The following LTAP1 variants were observed in gnomAD, a reference collection of about 807,000 sequenced individuals.
The protein encoded by LTAP1 is lipid transport auxiliary protein 1.
chr1:154,220,146 A>G, the LTAP1 span: 2 of 752,196 alleles, frequency 2.7e-6, no homozygotes, highest in Non-Finnish European at 4.4e-6. Flanking sequence ...CTAGCGTTAA[A>G]GGGAGGGTTC....
At chr1:154,220,238 G>C in the LTAP1 span, 1 of 1,386,400 alleles carries the variant, frequency 7.2e-7, no homozygotes, top group African/African-American at 1.4e-5. Context: ...AGCCCGGATA[G>C]GCGCAGGTGA....
the LTAP1 span, among the ~76,000 whole-genome samples, chr1:154,211,154 G>A: frequency 7.0e-6 from 1 of 143,712 alleles, no homozygotes; most frequent in Non-Finnish European, 1.5e-5. Context: ...ACAGGAGCCC[G>A]CCAGCATGCC....
chr1:154,215,980 G>A, the LTAP1 span, among the ~76,000 whole-genome samples: 1 of 152,002 alleles, frequency 6.6e-6, no homozygotes, highest in Non-Finnish European at 1.5e-5. Context: ...TGGGACTACA[G>A]GCGCCCGCCA....
At chr1:154,209,865 C>T in the LTAP1 span, among the ~76,000 whole-genome samples, 3 of 151,966 alleles carry the variant, frequency 2.0e-5, no homozygotes, top group Non-Finnish European at 4.4e-5. Flanking sequence ...GTTGGGATTA[C>T]AGGCGTGAGC....
the LTAP1 span, among the ~76,000 whole-genome samples, chr1:154,219,367 G>A: frequency 6.6e-6 from 1 of 152,166 alleles, no homozygotes; most frequent in Non-Finnish European, 1.5e-5. Context: ...CTTCCTATAC[G>A]TCTTCTGGTA....
At chr1:154,213,259 A>G in the LTAP1 span, 1 of 152,698 alleles carries the variant, frequency 6.5e-6, no homozygotes, top group Non-Finnish European at 1.5e-5. Context: ...GTGAGCCAAG[A>G]TCGTGCTACT....
chr1:154,208,123 C>T, the LTAP1 span, among the ~76,000 whole-genome samples: 1 of 151,238 alleles, frequency 6.6e-6, no homozygotes, highest in Non-Finnish European at 1.5e-5. Flanking sequence ...AGCAGAGAGG[C>T]TGGGCATGGT....
At chr1:154,217,209 A>G in the LTAP1 span, among the ~76,000 whole-genome samples, 3 of 152,080 alleles carry the variant, frequency 2.0e-5, no homozygotes, top group Non-Finnish European at 2.9e-5. Flanking sequence ...TCAGCCTCCC[A>G]AAGTGCTGGG....
At chr1:154,214,092 A>G in the LTAP1 span, 1 of 651,378 alleles carries the variant, frequency 1.5e-6, no homozygotes, top group Admixed American at 2.8e-5. Flanking sequence ...AGCCTGACCA[A>G]CATGGAGAAA....
At chr1:154,209,563 T>C in the LTAP1 span, among the ~76,000 whole-genome samples, 1 of 151,244 alleles carries the variant, frequency 6.6e-6, no homozygotes, top group Non-Finnish European at 1.5e-5. Context: ...TAGCTGGGAC[T>C]ACAGGTAGGT....
the LTAP1 span, among the ~76,000 whole-genome samples, chr1:154,210,380 G>A: frequency 6.6e-6 from 1 of 152,056 alleles, no homozygotes; most frequent in Non-Finnish European, 1.5e-5. Flanking sequence ...TCATTTTTAG[G>A]GACAGAGAGA....
the LTAP1 span, among the ~76,000 whole-genome samples, chr1:154,211,324 C>CTTTTTT: frequency 4.0e-3 from 137 of 34,048 alleles, 1 homozygote; most frequent in Non-Finnish European, 5.3e-3. Flanking sequence ...TTATTTAATT[C>CTTTTTT]TTTTTTTTTT....
the LTAP1 span, chr1:154,212,759 T>C: frequency 5.8e-3 from 5,205 of 902,638 alleles, 161 homozygotes; most frequent in African/African-American, 0.079. Flanking sequence ...CCTCCTAGGT[T>C]TGAGCAATTC....
the LTAP1 span, among the ~76,000 whole-genome samples, chr1:154,216,659 C>T: frequency 3.3e-5 from 5 of 152,008 alleles, no homozygotes; most frequent in Admixed American, 6.6e-5. Flanking sequence ...GGACTACAGG[C>T]GCATGCCACC....
the LTAP1 span, chr1:154,220,467 C>T: frequency 1.4e-5 from 22 of 1,599,012 alleles, no homozygotes; most frequent in Non-Finnish European, 1.9e-5. Flanking sequence ...CTGGTCAGCC[C>T]AGGCTCCGCC....
chr1:154,220,285 G>A, the LTAP1 span: 5 of 1,595,146 alleles, frequency 3.1e-6, no homozygotes, highest in Admixed American at 8.3e-5. Context: ...AGCTCAAAAG[G>A]AGGGTCTCTA....
the LTAP1 span, chr1:154,220,486 G>C: frequency 1.9e-6 from 3 of 1,539,436 alleles, no homozygotes; most frequent in Non-Finnish European, 2.7e-6. Context: ...CCGAAGCGAC[G>C]GCGCCTGGGT....
the LTAP1 span, among the ~76,000 whole-genome samples, chr1:154,215,332 C>T: frequency 3.4e-3 from 513 of 152,040 alleles, 20 homozygotes; most frequent in East Asian, 0.077. Flanking sequence ...TTTGGGAGGC[C>T]GAGGTGGGTG....
At chr1:154,217,587 C>T in the LTAP1 span, among the ~76,000 whole-genome samples, 1 of 152,158 alleles carries the variant, frequency 6.6e-6, no homozygotes, top group Admixed American at 6.5e-5. Flanking sequence ...GGCTGGAGTG[C>T]AGTGGTTTGA....
Sources: gnomAD v4.1 joint callset for allele counts (sites outside exome capture counted in the v4.1 genomes callset) on GRCh38, gnomAD v4.1.1 for gene constraint, MANE v1.5 for transcripts, NCBI Gene and HGNC (gene_info 2026-07-23, HGNC 2026-07-21) for gene names.